MTMR3: variants seen among roughly 807,000 people sequenced by gnomAD.
MTMR3 encodes myotubularin related protein 3, also known as phosphatidylinositol-3,5-bisphosphate 3-phosphatase MTMR3.
A neutral mutation model predicts 132.4 loss-of-function variants in MTMR3; 32 were observed. The observed-to-expected ratio is 0.24, with a 90% CI of 0.18 to 0.32. MTMR3 has a LOEUF of 0.32. Among genes scored for constraint, MTMR3 ranks in the 10% least tolerant of loss-of-function variants. MTMR3 has a pLI of 1.00. For synonymous variants in MTMR3, 556 were observed against 550.3 expected (o/e 1.01, Z -0.14); for missense variants, 1,216 against 1,489.6 (o/e 0.82, Z 3.02).
chr22:29,891,411 C>CATAT (rs35113054), intron 1 of MTMR3, among the ~76,000 whole-genome samples: 5 of 148,834 alleles, frequency 3.4e-5, no homozygotes, highest in East Asian at 1.9e-4. Flanking sequence ...GTATATATAA[C>CATAT]ATATATATAT....
intron 3 of MTMR3, 33 bp downstream of exon 3, chr22:29,971,095 A>AT: frequency 6.3e-7 from 1 of 1,579,892 alleles, no homozygotes; most frequent in Non-Finnish European, 8.6e-7. Flanking sequence ...AAAAAAAAAA[A>AT]CAAAAAACCC....
intron 1 of MTMR3, among the ~76,000 whole-genome samples, chr22:29,912,180 G>A (rs1880633594): frequency 1.3e-5 from 2 of 152,176 alleles, no homozygotes; most frequent in African/African-American, 2.4e-5. Context: ...TGGTAGAGAT[G>A]AAGAAAAGTC....
At chr22:29,895,220 TGAA>T (rs945117273) in intron 1 of MTMR3, among the ~76,000 whole-genome samples, 7 of 152,034 alleles carry the variant, frequency 4.6e-5, no homozygotes, top group Middle Eastern at 3.4e-3. Flanking sequence ...AAAAAAAAGT[TGAA>T]GAGCAGTTGA....
chr22:29,889,167 G>A (rs2064740765), intron 1 of MTMR3, among the ~76,000 whole-genome samples: 1 of 151,890 alleles, frequency 6.6e-6, no homozygotes, highest in African/African-American at 2.4e-5. Flanking sequence ...GACATGGGAA[G>A]GCAGAGTGTT....
chr22:30,020,981 T>G, intron 17 of MTMR3, 97 bp downstream of exon 17: 1 of 1,247,700 alleles, frequency 8.0e-7, no homozygotes, highest in Non-Finnish European at 1.1e-6. Context: ...TGGTACAGGT[T>G]GTTAAAGGAT....
intron 1 of MTMR3, among the ~76,000 whole-genome samples, chr22:29,951,719 G>A (rs956494918): frequency 6.6e-6 from 1 of 152,036 alleles, no homozygotes; most frequent in African/African-American, 2.4e-5. Flanking sequence ...CATTAAAAAG[G>A]TCAATTTATG....
At chr22:29,884,056 G>A (rs2064612714) in intron 1 of MTMR3, among the ~76,000 whole-genome samples, 1 of 152,146 alleles carries the variant, frequency 6.6e-6, no homozygotes, top group Non-Finnish European at 1.5e-5. Flanking sequence ...GTTGTATTTT[G>A]GACTGGAAAA....
At chr22:29,956,329 C>T (rs185568981) in intron 1 of MTMR3, among the ~76,000 whole-genome samples, 2 of 152,176 alleles carry the variant, frequency 1.3e-5, no homozygotes, top group African/African-American at 4.8e-5. Context: ...TCACTGAAAC[C>T]TCCACGTCTC....
intron 7 of MTMR3, chr22:29,993,444 T>C (rs2067002743): frequency 6.6e-6 from 1 of 152,166 alleles, no homozygotes. Flanking sequence ...GTTTCTACCA[T>C]CTCCTAGGAT....
intron 1 of MTMR3, among the ~76,000 whole-genome samples, chr22:29,885,001 G>T (rs561729268): frequency 2.6e-5 from 4 of 152,260 alleles, no homozygotes; most frequent in South Asian, 4.1e-4. Context: ...GTGACTCAGA[G>T]AACTTCAAGT....
chr22:30,007,122 G>T lies in MTMR3; in HGVS notation c.680G>T (p.Ser227Ile). The change falls in exon 10 of 20, where the codon AGC becomes ATC. Residue 227 changes from serine to isoleucine, a missense_variant. By Grantham distance (142) the Ser-to-Ile change is moderately radical. This residue lies in a region of MTMR3 where 129 missense variants were observed against 245.7 expected (regional missense o/e 0.53). Coordinates refer to ENST00000401950, the MANE Select transcript of MTMR3 (RefSeq NM_021090.4). ...TCTTGTTCCTCACACAGGCACCAGAGCAATGGAGCTGTCATTGCCCGCTGT... is the reference window on the plus strand; with the variant it reads ...TCTTGTTCCTCACACAGGCACCAGATCAATGGAGCTGTCATTGCCCGCTGT... ...RIPAVIYRHQ[S>I]NGAVIARCGQ... The T allele has an allele frequency of 6.2e-7, 1 of 1,613,714 alleles. No individual in the cohort carries two copies. Among genetic ancestry groups the T allele is most frequent in the South Asian group, 1.1e-5 (1 of 91,070 alleles).
chr22:29,949,519 A>AC lies in MTMR3; in HGVS notation c.-137-7517_-137-7516insC, dbSNP rs553591388. On this transcript the variant is annotated intron_variant, in intron 1 of 19. Transcript: ENST00000401950. ...CCCCGCGCCCCCCCCCAAAAAAAAA[A>AC]AACAACACACGTACACATAAACCCA... 5.5e-5 allele frequency among the ~76,000 whole-genome samples: 8 copies of AC among 146,236 alleles called. No individual in the cohort carries two copies. In the East Asian group the frequency reaches 1.6e-3, roughly 29 times the overall value.
At chr22:30,009,956 A>G (rs2067370893) in intron 12 of MTMR3, 1 of 152,244 alleles carries the variant, frequency 6.6e-6, no homozygotes, top group African/African-American at 2.4e-5. Context: ...TTGATTTATT[A>G]AATCAGATGC....
chr22:30,017,070 A>G (rs999808260), intron 15 of MTMR3: 16 of 184,394 alleles, frequency 8.7e-5, no homozygotes, highest in African/African-American at 3.3e-4. Flanking sequence ...CCAGGCCCCC[A>G]GCACCCTCCC....
chr22:30,004,605 C>CGAAA (rs1327403171), intron 9 of MTMR3: 9 of 152,144 alleles, frequency 5.9e-5, no homozygotes, highest in African/African-American at 2.2e-4. Context: ...TGCAGTTTTT[C>CGAAA]AGAGAAAGTC....
intron 1 of MTMR3, among the ~76,000 whole-genome samples, chr22:29,944,206 T>TAA (rs1430166893): frequency 6.6e-6 from 1 of 151,682 alleles, no homozygotes; most frequent in Non-Finnish European, 1.5e-5. Context: ...TTTGAGACAT[T>TAA]AATATCTTTT....
chr22:30,023,101 C>T (rs1601443079), intron 19 of MTMR3: 1 of 400,378 alleles, frequency 2.5e-6, no homozygotes, highest in Non-Finnish European at 4.6e-6. Context: ...CACTTGTTTT[C>T]CCTTGTGCCA....
At chr22:29,897,880 CTATATA>C (rs2064933906) in intron 1 of MTMR3, among the ~76,000 whole-genome samples, 1 of 152,022 alleles carries the variant, frequency 6.6e-6, no homozygotes, top group Admixed American at 6.6e-5. Context: ...CTACAAATAT[CTATATA>C]TATTTTATGT....
At chr22:29,949,143 ACCCCCCCCCCCCC>A (rs1159749194) in intron 1 of MTMR3, among the ~76,000 whole-genome samples, 3 of 14,680 alleles carry the variant, frequency 2.0e-4, no homozygotes, top group African/African-American at 9.0e-4. Context: ...ACACACACAC[ACCCCCCCCCCCCC>A]CCCCGAGGCC....
Sources: gnomAD v4.1 joint callset for allele counts (sites outside exome capture counted in the v4.1 genomes callset) on GRCh38, gnomAD v4.1.1 for gene constraint, gnomAD v4.1.1 regional missense constraint, MANE v1.5 for transcripts, NCBI Gene and HGNC (gene_info 2026-07-23, HGNC 2026-07-21) for gene names.